The following ATP11B variants were observed in gnomAD, a reference collection of about 807,000 sequenced individuals.
The protein encoded by ATP11B is ATPase phospholipid transporting 11B (putative).
ATP11B carries 81 observed loss-of-function variants against 157.8 expected under a neutral mutation model. The ratio of observed to expected loss-of-function variants is 0.51; its 90% confidence interval spans 0.43 to 0.62. The LOEUF (loss-of-function observed/expected upper bound fraction) is 0.62, where lower values mean the gene tolerates loss of function less well. ATP11B is among the 20% of genes least tolerant of loss of function. ATP11B has a pLI of 0.00. For missense variants in ATP11B, 1,165 were observed against 1,402.2 expected (o/e 0.83, Z 2.70); for synonymous variants, 451 against 469.4 (o/e 0.96, Z 0.51).
intron 12 of ATP11B, among the ~76,000 whole-genome samples, chr3:182,861,831 C>CT (rs1720862031): frequency 6.6e-6 from 1 of 151,952 alleles, no homozygotes; most frequent in African/African-American, 2.4e-5. Context: ...TAAAAGTACT[C>CT]TACCCAGGAG....
At chr3:182,912,093 T>C (rs762822675) in intron 28 of ATP11B, among the ~76,000 whole-genome samples, 3 of 152,242 alleles carry the variant, frequency 2.0e-5, no homozygotes, top group Admixed American at 1.3e-4. Flanking sequence ...CCTTTGAGCA[T>C]GTAGGAGCCC....
chr3:182,816,116 A>G (rs1291818695), intron 1 of ATP11B, among the ~76,000 whole-genome samples: 1 of 151,574 alleles, frequency 6.6e-6, no homozygotes, highest in Non-Finnish European at 1.5e-5. Context: ...TTGAGTACCT[A>G]TGGCTTTAAC....
intron 29 of ATP11B, chr3:182,914,836 T>A: frequency 2.0e-6 from 2 of 985,364 alleles, no homozygotes; most frequent in South Asian, 9.4e-5. Context: ...TAGAAAGAGC[T>A]TTTTCCACAC....
chr3:182,888,858 CTTT>C (rs565378947), intron 24 of ATP11B, among the ~76,000 whole-genome samples: 2 of 124,918 alleles, frequency 1.6e-5, no homozygotes, highest in Admixed American at 8.0e-5. Context: ...TATCATATTT[CTTT>C]TTTTTTTTTT....
At chr3:182,886,103 C>A in intron 23 of ATP11B, 93 bp downstream of exon 23, 1 of 799,506 alleles carries the variant, frequency 1.3e-6, no homozygotes, top group Non-Finnish European at 1.9e-6. Flanking sequence ...GGACTTTTTT[C>A]ATTTTTCTTA....
chr3:182,837,257 C>A (rs961488215), intron 7 of ATP11B, 83 bp downstream of exon 7: 3 of 1,034,384 alleles, frequency 2.9e-6, no homozygotes, highest in Admixed American at 5.5e-5. Context: ...AAAATGAAAT[C>A]TTTAGCTAAT....
intron 21 of ATP11B, among the ~76,000 whole-genome samples, chr3:182,883,144 C>T (rs1276318456): frequency 1.3e-5 from 2 of 152,004 alleles, no homozygotes; most frequent in Non-Finnish European, 2.9e-5. Context: ...ATTATGAATG[C>T]AGGAATTTCT....
In ATP11B at chr3:182,836,404, C is replaced by T. The variant is rs765326137; in HGVS notation, c.486C>T (p.Ser162=). The part of the protein sequence containing the change: ...EIFPADLVLL[S]SDRLDGSCHV... ...TTCCTGCAGACTTGGTGCTTCTGTCCTCAGATCGACTGGATGGTTCCTGTC... is the reference window on the plus strand; with the variant it reads ...TTCCTGCAGACTTGGTGCTTCTGTCTTCAGATCGACTGGATGGTTCCTGTC... The change falls in exon 6 of 30, where the codon TCC becomes TCT. Residue 162 remains serine (S), a synonymous_variant. Coordinates refer to ENST00000323116, the MANE Select transcript of ATP11B (RefSeq NM_014616.3). 5 of 1,613,734 alleles carry T rather than the reference C, an allele frequency of 3.1e-6. No homozygotes were observed. The highest frequency in any genetic ancestry group is 2.2e-5 in the East Asian group (1 of 44,884).
At chr3:182,856,985 C>CT (rs1720452265) in intron 10 of ATP11B, among the ~76,000 whole-genome samples, 1 of 152,108 alleles carries the variant, frequency 6.6e-6, no homozygotes, top group African/African-American at 2.4e-5. Flanking sequence ...TGTTTTTAAA[C>CT]TTAAAGACAT....
chr3:182,878,826 G>GT (rs1188227563), intron 19 of ATP11B, among the ~76,000 whole-genome samples: 7 of 151,392 alleles, frequency 4.6e-5, no homozygotes, highest in African/African-American at 7.3e-5. Context: ...ATTTCATAGA[G>GT]TTTTTTTTTA....
chr3:182,813,970 C>G (rs966394668), intron 1 of ATP11B, among the ~76,000 whole-genome samples: 1 of 152,224 alleles, frequency 6.6e-6, no homozygotes, highest in Non-Finnish European at 1.5e-5. Flanking sequence ...AAGTGATCCA[C>G]CTGCCTTGGC....
intron 2 of ATP11B, among the ~76,000 whole-genome samples, chr3:182,821,515 T>C (rs1396880198): frequency 3.9e-5 from 6 of 152,212 alleles, no homozygotes; most frequent in Non-Finnish European, 5.9e-5. Flanking sequence ...TTCACTCTTA[T>C]ATATTCTTCC....
At chr3:182,887,392 A>T (rs546764019) in intron 23 of ATP11B, among the ~76,000 whole-genome samples, 194 bp from the exon 24 acceptor site, 21 of 152,338 alleles carry the variant, frequency 1.4e-4, no homozygotes, top group African/African-American at 4.8e-4. Flanking sequence ...CTCACAAAGA[A>T]TATCAACCTA....
intron 29 of ATP11B, chr3:182,915,947 AACATC>A: frequency 1.0e-6 from 1 of 983,020 alleles, no homozygotes; most frequent in Non-Finnish European, 1.2e-6. Flanking sequence ...AGGTTTCTCC[AACATC>A]ACAGGTTATA....
intron 27 of ATP11B, among the ~76,000 whole-genome samples, chr3:182,898,105 ATT>A (rs1263154501): frequency 2.0e-5 from 3 of 152,112 alleles, no homozygotes; most frequent in African/African-American, 7.2e-5. Context: ...TCTTATGAAT[ATT>A]TCTATATTTC....
intron 28 of ATP11B, among the ~76,000 whole-genome samples, chr3:182,900,527 A>G (rs1723881345): frequency 6.6e-6 from 1 of 152,190 alleles, no homozygotes; most frequent in Non-Finnish European, 1.5e-5. Context: ...CAGTGTGGAC[A>G]GACTTTTCCA....
chr3:182,811,316 A>T (rs1471522958), intron 1 of ATP11B, among the ~76,000 whole-genome samples: 1 of 152,224 alleles, frequency 6.6e-6, no homozygotes, highest in Non-Finnish European at 1.5e-5. Flanking sequence ...TTTATGTTCA[A>T]ATAGAAGGTT....
intron 20 of ATP11B, among the ~76,000 whole-genome samples, chr3:182,880,610 C>T (rs762086336): frequency 4.6e-5 from 7 of 152,068 alleles, no homozygotes; most frequent in Non-Finnish European, 7.4e-5. Flanking sequence ...ATTAAACCTT[C>T]TAAATATTTA....
chr3:182,820,231 T>C (rs1449992227), intron 1 of ATP11B, 29 bp from the exon 2 acceptor site: 11 of 1,450,614 alleles, frequency 7.6e-6, no homozygotes, highest in Admixed American at 6.7e-5. Flanking sequence ...TGACTAGTAT[T>C]TCTTTTTCTC....
Sources: gnomAD v4.1 joint callset for allele counts (sites outside exome capture counted in the v4.1 genomes callset) on GRCh38, gnomAD v4.1.1 for gene constraint, MANE v1.5 for transcripts, NCBI Gene and HGNC (gene_info 2026-07-23, HGNC 2026-07-21) for gene names.